Variants in ZNF618 observed in about 807,000 individuals in gnomAD.
The protein encoded by ZNF618 is neural precursor cell expressed, developmentally down-regulated 10.
ZNF618 carries 34 observed loss-of-function variants against 103.0 expected under a neutral mutation model. The ratio of observed to expected loss-of-function variants is 0.33; its 90% CI spans 0.25 to 0.44. The LOEUF is 0.44. Ranked by LOEUF, ZNF618 falls within the 20% of genes least tolerant of loss-of-function variation. The pLI, the probability that ZNF618 is intolerant of heterozygous loss-of-function variation, is 1.00. For synonymous variants in ZNF618, 551 were observed against 542.2 expected (o/e 1.02, Z -0.23); for missense variants, 1,059 against 1,295.4 (o/e 0.82, Z 2.80).
intron 1 of ZNF618, among the ~76,000 whole-genome samples, chr9:113,893,794 C>T (rs1392902893): frequency 6.6e-6 from 1 of 152,084 alleles, no homozygotes; most frequent in East Asian, 1.9e-4. Context: ...AAACCATCTC[C>T]TTTTGATACA....
Position 114,016,063 on chromosome 9 carries a change from A to G in ZNF618, c.755-632A>G, listed in dbSNP as rs184579197. The stretch of plus-strand genomic sequence containing the variant: ...TTACAGATGATTGAAATTTCTCTTT[A>G]GTTTTTATTCTGTATTTGTATTTAT... On this transcript the variant is annotated intron_variant, in intron 9 of 14. Transcript: ENST00000374126. 3.3e-6 allele frequency: 5 copies of G among 1,515,292 alleles called. No homozygotes were observed. In the Admixed American group the frequency reaches 6.8e-5, roughly 20 times the overall value. The allele number at this position is 1,515,292 out of a possible 1,614,324, so 93.9% of individuals were successfully genotyped here.
At position 114,033,138 on chromosome 9, in the gene ZNF618, C is replaced by T. The variant is rs761196290; in HGVS notation, c.1168+410C>T. 3.3e-5 allele frequency among the ~76,000 whole-genome samples: 5 copies of T among 152,080 alleles called. No individual in the cohort carries two copies. The East Asian group carries it at 7.7e-4, about 24-fold the overall frequency. On this transcript the variant is annotated intron_variant, in intron 12 of 14. Coordinates refer to ENST00000374126, the MANE Select transcript of ZNF618 (RefSeq NM_001318042.2). ...GAGAGAGCTCTAAGAGGCCGGGCGC[C>T]GTGGCTCACACCTGTAATCCCAGCA...
intron 1 of ZNF618, among the ~76,000 whole-genome samples, chr9:113,961,573 C>T (rs974160480): frequency 1.3e-5 from 2 of 152,174 alleles, no homozygotes; most frequent in African/African-American, 4.8e-5. Flanking sequence ...ACTCCTCAAG[C>T]GTGGAACCTA....
At chr9:114,020,687 ATAGATTTTTT>A (rs1457762856) in intron 10 of ZNF618, among the ~76,000 whole-genome samples, 2 of 152,100 alleles carry the variant, frequency 1.3e-5, no homozygotes, top group African/African-American at 4.8e-5. Context: ...ATTAGTTCTA[ATAGATTTTTT>A]TAGATTTTTT....
intron 1 of ZNF618, among the ~76,000 whole-genome samples, chr9:113,908,401 T>C (rs867080457): frequency 1.3e-5 from 2 of 152,232 alleles, no homozygotes; most frequent in African/African-American, 4.8e-5. Context: ...TAGGCACTTT[T>C]GTCTTCGTGG....
At chr9:113,977,448 G>A (rs1014674217) in intron 2 of ZNF618, among the ~76,000 whole-genome samples, 5 of 152,118 alleles carry the variant, frequency 3.3e-5, no homozygotes, top group African/African-American at 7.2e-5. Flanking sequence ...GGATGGCCTC[G>A]CTCTTTAGTG....
rs558411578 is a variant in ZNF618 at position 113,994,480 on chromosome 9, T to C, written c.338-3779T>C. On this transcript the variant is annotated intron_variant, in intron 3 of 14. Coordinates refer to ENST00000374126, the MANE Select transcript of ZNF618 (RefSeq NM_001318042.2). Reference sequence around the variant, plus strand: ...CGCTTCCTCTTGGGGTCTGAAGGGTTAGAGGGTCCCTGTTAGAAAGGGCCC... The same window carrying C: ...CGCTTCCTCTTGGGGTCTGAAGGGTCAGAGGGTCCCTGTTAGAAAGGGCCC... 1.3e-4 allele frequency among the ~76,000 whole-genome samples: 20 copies of C among 152,342 alleles called. No individual in the cohort carries two copies. In the East Asian group the frequency reaches 3.7e-3, roughly 28 times the overall value.
chr9:113,994,171 A>G (rs906898291), intron 3 of ZNF618, among the ~76,000 whole-genome samples: 1 of 152,246 alleles, frequency 6.6e-6, no homozygotes, highest in African/African-American at 2.4e-5. Context: ...AGGAGCTCCA[A>G]CCAGGAGGCA....
chr9:113,885,120 G>A (rs1389894749), intron 1 of ZNF618, among the ~76,000 whole-genome samples: 1 of 152,100 alleles, frequency 6.6e-6, no homozygotes, highest in Non-Finnish European at 1.5e-5. Flanking sequence ...GACGCCTGTG[G>A]CTAGGCAGCT....
At chr9:113,947,851 C>T (rs1369101590) in intron 1 of ZNF618, among the ~76,000 whole-genome samples, 1 of 152,192 alleles carries the variant, frequency 6.6e-6, no homozygotes, top group Non-Finnish European at 1.5e-5. Context: ...TCTCTTTCTT[C>T]CCCTCTTCTC....
intron 11 of ZNF618, among the ~76,000 whole-genome samples, chr9:114,031,071 A>G (rs1329223632): frequency 6.6e-6 from 1 of 152,152 alleles, no homozygotes; most frequent in Non-Finnish European, 1.5e-5. Context: ...ATCCAACCCC[A>G]GTAACTTGAC....
At chr9:114,046,830 G>A (rs1845699918) in intron 13 of ZNF618, among the ~76,000 whole-genome samples, 1 of 152,166 alleles carries the variant, frequency 6.6e-6, no homozygotes, top group Admixed American at 6.5e-5. Flanking sequence ...TATTAGCGTG[G>A]TGTATTACAT....
At chr9:113,965,849 T>C (rs1399701435) in intron 1 of ZNF618, among the ~76,000 whole-genome samples, 1 of 152,196 alleles carries the variant, frequency 6.6e-6, no homozygotes, top group Non-Finnish European at 1.5e-5. Flanking sequence ...TGACTATGTA[T>C]ACCAGGGCTG....
In ZNF618 at chr9:113,951,410, T is replaced by TACAC. The variant is rs1280017974; in HGVS notation, c.34-17703_34-17700dup. Among the ~76,000 whole-genome samples the TACAC allele has an allele frequency of 1.1e-4, 13 of 122,142 alleles. No homozygotes were observed. The East Asian group carries it at 1.4e-3, about 14-fold the overall frequency. 80.1% of individuals were successfully genotyped at this position (122,142 alleles called of 152,430 possible). A position where few individuals can be genotyped will look rare whatever the true frequency, so the allele number is the denominator to read the frequency against. On this transcript the variant is annotated intron_variant, in intron 1 of 14. Transcript: ENST00000374126. ...TTTTTCCTATATATATACGTATATA[T>TACAC]ACACACATATATGTGTGTGTGTATA... is the stretch of plus-strand genomic sequence containing the variant.
In ZNF618 at chr9:114,056,007, T is replaced by C. The variant is rs1251031963; in HGVS notation, c.*5840T>C. The C allele has an allele frequency of 1.3e-5, 2 of 152,340 alleles. No individual in the cohort carries two copies. The highest frequency in any genetic ancestry group is 2.9e-5 in the Non-Finnish European group (2 of 67,990). The allele number at this position is 152,340 out of a possible 1,614,324, so 9.4% of individuals were successfully genotyped here. On this transcript the variant is annotated 3_prime_UTR_variant, in exon 15 of 15. Coordinates refer to ENST00000374126, the MANE Select transcript of ZNF618 (RefSeq NM_001318042.2). The stretch of plus-strand genomic sequence containing the variant: ...AAAAAAAGTTACCTATTGTCACACT[T>C]GCTGTGTTAATTAACAAAAGATGTT...
chr9:114,010,270 C>T (rs1293743530), intron 9 of ZNF618, among the ~76,000 whole-genome samples: 1 of 146,570 alleles, frequency 6.8e-6, no homozygotes, highest in African/African-American at 2.5e-5. Flanking sequence ...CACTGCACTC[C>T]AGCCTGGGTG....
chr9:113,940,775 A>T (rs1373644348), intron 1 of ZNF618, among the ~76,000 whole-genome samples: 2 of 152,144 alleles, frequency 1.3e-5, no homozygotes, highest in Non-Finnish European at 2.9e-5. Flanking sequence ...TTCGTCATTG[A>T]TAACATCTGG....
At position 113,884,915 on chromosome 9, in the gene ZNF618, A is replaced by G. The variant is rs571011717; in HGVS notation, c.33+8502A>G. Among the ~76,000 whole-genome samples the G allele has an allele frequency of 1.3e-4, 20 of 152,308 alleles. No individual in the cohort carries two copies. In the South Asian group the frequency reaches 3.9e-3, roughly 30 times the overall value. ...AAGCCTCAGATTTCTTCACTCCTCA[A>G]CCAGTGCTTTTCCTGCCCTGTGTGT... On this transcript the variant is annotated intron_variant, in intron 1 of 14. Transcript: ENST00000374126.
At chr9:113,916,372 T>C (rs1342132435) in intron 1 of ZNF618, among the ~76,000 whole-genome samples, 1 of 152,170 alleles carries the variant, frequency 6.6e-6, no homozygotes, top group Non-Finnish European at 1.5e-5. Flanking sequence ...TGTGCCTTCG[T>C]GGTCCTGATG....
Sources: gnomAD v4.1 joint callset for allele counts (sites outside exome capture counted in the v4.1 genomes callset) on GRCh38, gnomAD v4.1.1 for gene constraint, MANE v1.5 for transcripts, NCBI Gene and HGNC (gene_info 2026-07-23, HGNC 2026-07-21) for gene names.